CA10: variants seen among roughly 807,000 people sequenced by gnomAD.
CA10 encodes carbonic anhydrase-related protein 10.
In CA10, 14 loss-of-function variants were observed where a neutral mutation model predicts 44.2. That is an observed-to-expected ratio of 0.32 (90% CI 0.21 to 0.50). CA10 has a LOEUF of 0.50. CA10 is among the 20% of genes least tolerant of loss of function. The pLI is 0.99. For missense variants in CA10, 350 were observed against 409.7 expected, an observed-to-expected ratio of 0.85 and a Z score of 1.26; for synonymous variants, 159 against 141.6, an observed-to-expected ratio of 1.12 and a Z score of -0.87.
At chr17:51,771,819 G>A (rs895622862) in intron 3 of CA10, among the ~76,000 whole-genome samples, 25 of 152,348 alleles carry the variant, frequency 1.6e-4, no homozygotes, top group African/African-American at 6.0e-4. Flanking sequence ...CCAATACCAA[G>A]CTGGCTAACA....
chr17:52,059,699 A>G (rs2907785), intron 2 of CA10, among the ~76,000 whole-genome samples: 150,770 of 152,136 alleles, frequency 0.99, 74,724 homozygotes, highest in East Asian at 1. Context: ...AGAAAAAAAA[A>G]AAAGAAAACT....
intron 2 of CA10, among the ~76,000 whole-genome samples, chr17:52,033,550 C>T (rs958032393): frequency 4.6e-5 from 7 of 152,024 alleles, no homozygotes; most frequent in African/African-American, 9.7e-5. Flanking sequence ...GTAGTAAATC[C>T]ATTTAATAGG....
intron 1 of CA10, among the ~76,000 whole-genome samples, chr17:52,104,741 C>A (rs1210211837): frequency 6.6e-6 from 1 of 152,216 alleles, no homozygotes; most frequent in Non-Finnish European, 1.5e-5. Flanking sequence ...CATTCACCCT[C>A]TCCCAAGTCC....
intron 3 of CA10, among the ~76,000 whole-genome samples, chr17:51,784,280 T>C (rs189335202): frequency 1.3e-5 from 2 of 152,086 alleles, no homozygotes; most frequent in Non-Finnish European, 2.9e-5. Context: ...GAGCACGCCA[T>C]CCAGCTGCTG....
At chr17:52,041,494 A>C (rs895002707) in intron 2 of CA10, among the ~76,000 whole-genome samples, 2 of 152,098 alleles carry the variant, frequency 1.3e-5, no homozygotes, top group Non-Finnish European at 2.9e-5. Flanking sequence ...ACACAACATG[A>C]TGATTTGATA....
In CA10 at chr17:51,878,863, TATATATATATATATATATATATA is replaced by T. The variant is rs1470394806; in HGVS notation, c.279+52104_279+52126del. On this transcript the variant is annotated intron_variant, in intron 3 of 8. Coordinates refer to ENST00000451037, the MANE Select transcript of CA10 (RefSeq NM_020178.5). ...ATATATATATATATATATATATATA[TATATATATATATATATATATATA>T]TATATGGGTGTGTGTGTGTGTGTGT... Among the ~76,000 whole-genome samples the T allele has an allele frequency of 6.8e-4, 17 of 24,902 alleles. 2 individuals carry two copies. Among genetic ancestry groups the T allele is most frequent in the African/African-American group, 2.0e-3 (10 of 5,128 alleles). 16.3% of individuals were successfully genotyped at this position (24,902 alleles called of 152,430 possible). A position where few individuals can be genotyped will look rare whatever the true frequency, so the allele number is the denominator to read the frequency against.
At chr17:52,126,338 AT>A (rs1331767488) in intron 1 of CA10, among the ~76,000 whole-genome samples, 1 of 152,188 alleles carries the variant, frequency 6.6e-6, no homozygotes, top group Non-Finnish European at 1.5e-5. Context: ...TATTATTTTA[AT>A]TTTGATGTAA....
At position 51,673,565 on chromosome 17, in the gene CA10, C is replaced by T. The variant is rs980589232; in HGVS notation, c.466-19829G>A. On this transcript the variant is annotated intron_variant, in intron 4 of 8. Coordinates refer to ENST00000451037, the MANE Select transcript of CA10 (RefSeq NM_020178.5). Reference sequence around the variant, plus strand: ...TGAAGTTCTGTGAATTTTTGTAATACACTTCATGGTTCTTGCAACTATTGC... The same window carrying T: ...TGAAGTTCTGTGAATTTTTGTAATATACTTCATGGTTCTTGCAACTATTGC... Among the ~76,000 whole-genome samples the T allele has an allele frequency of 1.6e-4, 25 of 152,164 alleles. 1 individual carries two copies. The highest frequency in any genetic ancestry group is 4.4e-5 in the Non-Finnish European group (3 of 68,032).
In CA10 at chr17:51,810,709, G is replaced by A. The variant is rs76431452; in HGVS notation, c.280-62891C>T. Among the ~76,000 whole-genome samples, 465 of 152,302 alleles carry A rather than the reference G, an allele frequency of 3.1e-3. 3 individuals are homozygous for A. Among genetic ancestry groups the A allele is most frequent in the African/African-American group, 0.011 (447 of 41,562 alleles). On this transcript the variant is annotated intron_variant, in intron 3 of 8. Transcript: ENST00000451037. Reference sequence around the variant, plus strand: ...AATCAGCATTTAAAAAAATTCAGCAGTATGGAAAGACACATTAGGGTGACA... The same window carrying A: ...AATCAGCATTTAAAAAAATTCAGCAATATGGAAAGACACATTAGGGTGACA...
At chr17:52,021,013 A>G (rs922086202) in intron 2 of CA10, among the ~76,000 whole-genome samples, 6 of 152,018 alleles carry the variant, frequency 3.9e-5, no homozygotes, top group South Asian at 4.1e-4. Flanking sequence ...AGAGTTTTAC[A>G]TGGTTTGTAT....
intron 3 of CA10, among the ~76,000 whole-genome samples, chr17:51,790,292 T>G (rs772514086): frequency 6.6e-6 from 1 of 152,160 alleles, no homozygotes; most frequent in Non-Finnish European, 1.5e-5. Flanking sequence ...AGAAGGGAAC[T>G]CAGCAGATCT....
intron 2 of CA10, among the ~76,000 whole-genome samples, chr17:52,024,868 T>C (rs909885863): frequency 2.0e-5 from 3 of 151,892 alleles, no homozygotes; most frequent in Admixed American, 2.0e-4. Context: ...AATTATTGTG[T>C]TTAAGATATT....
intron 4 of CA10, among the ~76,000 whole-genome samples, chr17:51,721,234 A>G (rs1916339684): frequency 6.6e-6 from 1 of 152,156 alleles, no homozygotes; most frequent in Admixed American, 6.5e-5. Context: ...GGGGAGGCTG[A>G]GGCTGGAGAA....
chr17:52,065,449 A>T (rs1987509283), intron 2 of CA10, among the ~76,000 whole-genome samples: 1 of 152,122 alleles, frequency 6.6e-6, no homozygotes, highest in South Asian at 2.1e-4. Flanking sequence ...TGTTTGGCAA[A>T]CATTGAGCCC....
At chr17:51,820,868 G>A (rs968728767) in intron 3 of CA10, among the ~76,000 whole-genome samples, 3 of 152,090 alleles carry the variant, frequency 2.0e-5, no homozygotes, top group Non-Finnish European at 2.9e-5. Context: ...GGATGCAGAA[G>A]TGTTTCTTTT....
intron 2 of CA10, among the ~76,000 whole-genome samples, chr17:52,069,427 C>T (rs1442590886): frequency 6.6e-6 from 1 of 152,152 alleles, no homozygotes; most frequent in African/African-American, 2.4e-5. Context: ...GCAAGACAGA[C>T]TCTAGTTGTG....
At chr17:51,751,847 T>C (rs560508593) in intron 3 of CA10, among the ~76,000 whole-genome samples, 2 of 152,210 alleles carry the variant, frequency 1.3e-5, no homozygotes, top group African/African-American at 2.4e-5. Context: ...CCCTTCTGCA[T>C]ACATGGCTCT....
intron 8 of CA10, among the ~76,000 whole-genome samples, chr17:51,632,211 T>C (rs1912611111): frequency 6.6e-6 from 1 of 152,208 alleles, no homozygotes; most frequent in Non-Finnish European, 1.5e-5. Flanking sequence ...ATAGAAAAAG[T>C]GTGTAGACTC....
At chr17:51,944,029 A>G (rs577973734) in intron 2 of CA10, among the ~76,000 whole-genome samples, 22 of 152,146 alleles carry the variant, frequency 1.4e-4, no homozygotes, top group Non-Finnish European at 2.1e-4. Context: ...AATTTTCTCC[A>G]CCTTTTGTTC....
Sources: gnomAD v4.1 joint callset for allele counts (sites outside exome capture counted in the v4.1 genomes callset) on GRCh38, gnomAD v4.1.1 for gene constraint, MANE v1.5 for transcripts, NCBI Gene and HGNC (gene_info 2026-07-23, HGNC 2026-07-21) for gene names.